The following HCN1 variants were observed in gnomAD, a reference collection of about 807,000 sequenced individuals.
HCN1 encodes the protein hyperpolarization activated cyclic nucleotide gated potassium channel 1, also known as potassium/sodium hyperpolarization-activated cyclic nucleotide-gated channel 1.
A neutral mutation model predicts 78.9 loss-of-function variants in HCN1; 13 were observed. The ratio of observed to expected loss-of-function variants is 0.16; its 90% CI spans 0.11 to 0.26. HCN1 has a LOEUF of 0.26. Among genes scored for constraint, HCN1 ranks in the 10% least tolerant of loss-of-function variants. HCN1 has a pLI of 1.00. For synonymous variants in HCN1, 552 were observed against 455.5 expected, an observed-to-expected ratio of 1.21 and a Z score of -2.70; for missense variants, 810 against 1,154.3, an observed-to-expected ratio of 0.70 and a Z score of 4.32.
chr5:45,695,644 T>A, intron 1 of HCN1, 25 bp downstream of exon 1: 1 of 1,599,064 alleles, frequency 6.3e-7, no homozygotes. Flanking sequence ...GAAGGGAGGG[T>A]GGGGCGGCGA....
intron 2 of HCN1, among the ~76,000 whole-genome samples, chr5:45,630,017 G>A (rs1745241719): frequency 6.6e-6 from 1 of 152,168 alleles, no homozygotes; most frequent in Non-Finnish European, 1.5e-5. Context: ...GCTGCTCTGA[G>A]GGAGTCCCCC....
At chr5:45,664,658 C>G (rs1745996945) in intron 1 of HCN1, among the ~76,000 whole-genome samples, 1 of 151,784 alleles carries the variant, frequency 6.6e-6, no homozygotes, top group Non-Finnish European at 1.5e-5. Context: ...AGACACTTCT[C>G]AAAAGAAGAC....
At chr5:45,420,931 C>T (rs1303909333) in intron 3 of HCN1, among the ~76,000 whole-genome samples, 2 of 152,200 alleles carry the variant, frequency 1.3e-5, no homozygotes, top group Non-Finnish European at 2.9e-5. Flanking sequence ...TAAAACTTAC[C>T]AGTTTCACTT....
intron 2 of HCN1, among the ~76,000 whole-genome samples, chr5:45,614,271 T>C (rs893018471): frequency 2.0e-5 from 3 of 152,150 alleles, no homozygotes; most frequent in African/African-American, 7.2e-5. Context: ...CATTTATTAA[T>C]TCCTGTTATA....
chr5:45,524,200 G>T (rs1423545017), intron 2 of HCN1, among the ~76,000 whole-genome samples: 3 of 152,122 alleles, frequency 2.0e-5, no homozygotes, highest in Non-Finnish European at 4.4e-5. Flanking sequence ...TGAGGGCTCT[G>T]TTCTGTTCCA....
intron 2 of HCN1, among the ~76,000 whole-genome samples, chr5:45,540,568 G>T (rs768790088): frequency 7.4e-4 from 113 of 152,058 alleles, no homozygotes; most frequent in Non-Finnish European, 8.7e-4. Context: ...GTACTCAAGG[G>T]ATCTACCTGC....
intron 2 of HCN1, among the ~76,000 whole-genome samples, chr5:45,618,585 T>C (rs753702343): frequency 6.6e-6 from 1 of 152,128 alleles, no homozygotes; most frequent in Non-Finnish European, 1.5e-5. Flanking sequence ...AGAACACGTG[T>C]AATTCACCCA....
intron 2 of HCN1, among the ~76,000 whole-genome samples, chr5:45,607,602 G>T (rs10079837): frequency 0.019 from 2,685 of 143,890 alleles, 77 homozygotes; most frequent in African/African-American, 0.063. Flanking sequence ...TATATCTATA[G>T]ATAGATCCAG....
chr5:45,584,335 C>G (rs1234035047), intron 2 of HCN1, among the ~76,000 whole-genome samples: 78 of 152,070 alleles, frequency 5.1e-4, no homozygotes, highest in Middle Eastern at 3.4e-3. Flanking sequence ...TGTTTTATCA[C>G]AGACTAGGAT....
intron 5 of HCN1, among the ~76,000 whole-genome samples, chr5:45,345,062 C>A (rs759230720): frequency 7.2e-5 from 11 of 152,192 alleles, no homozygotes; most frequent in African/African-American, 2.7e-4. Context: ...GTGGAGGTTA[C>A]CAAACCTCAG....
chr5:45,527,055 T>TTC lies in HCN1; in HGVS notation c.850-65050_850-65049dup, dbSNP rs142451723. Among the ~76,000 whole-genome samples the TTC allele has an allele frequency of 4.5e-4, 58 of 129,156 alleles. 12 individuals carry two copies. The highest frequency in any genetic ancestry group is 1.0e-3 in the African/African-American group (35 of 34,454). The allele number at this position is 129,156 out of a possible 152,430, so 84.7% of individuals were successfully genotyped here. On this transcript the variant is annotated intron_variant, in intron 2 of 7. Coordinates refer to ENST00000303230, the MANE Select transcript of HCN1 (RefSeq NM_021072.4). The stretch of plus-strand genomic sequence containing the variant: ...CATTCTCTCTCTCTTTTCTCCCTCT[T>TTC]TCTCTCTCTCTCTCTCTCTGTCTCT...
At position 45,282,337 on chromosome 5, in the gene HCN1, G is replaced by A. The variant is rs560538108; in HGVS notation, c.1619-15084C>T. ...GCTTTCTTATATGTTATCTTGAGTA[G>A]AATGTTGCCACACAATATCTTGAAA... On this transcript the variant is annotated intron_variant, in intron 6 of 7. Transcript: ENST00000303230. 2.0e-5 allele frequency among the ~76,000 whole-genome samples: 3 copies of A among 152,234 alleles called. No homozygotes were observed. In the South Asian group the frequency reaches 6.2e-4, roughly 32 times the overall value.
At chr5:45,530,162 G>A (rs945186190) in intron 2 of HCN1, among the ~76,000 whole-genome samples, 8 of 152,008 alleles carry the variant, frequency 5.3e-5, no homozygotes, top group Non-Finnish European at 7.4e-5. Flanking sequence ...ACCAGGTAAG[G>A]CTTTTGCTTC....
chr5:45,436,539 T>G (rs189387320), intron 3 of HCN1, among the ~76,000 whole-genome samples: 2 of 152,232 alleles, frequency 1.3e-5, no homozygotes, highest in Admixed American at 6.5e-5. Flanking sequence ...TAAAATGAAG[T>G]AATTATGAAC....
At chr5:45,546,265 A>G (rs1743225669) in intron 2 of HCN1, among the ~76,000 whole-genome samples, 1 of 151,948 alleles carries the variant, frequency 6.6e-6, no homozygotes, top group Non-Finnish European at 1.5e-5. Context: ...CTACTGATAC[A>G]TAATAAAAGG....
At chr5:45,512,976 A>C (rs927028106) in intron 2 of HCN1, among the ~76,000 whole-genome samples, 1 of 152,176 alleles carries the variant, frequency 6.6e-6, no homozygotes, top group Non-Finnish European at 1.5e-5. Flanking sequence ...CCCGACTTTA[A>C]AAATTAATAA....
chr5:45,669,176 A>G (rs1746105159), intron 1 of HCN1, among the ~76,000 whole-genome samples: 1 of 151,872 alleles, frequency 6.6e-6, no homozygotes, highest in African/African-American at 2.4e-5. Flanking sequence ...TGAGAGAGTT[A>G]GAGCAACTTT....
At chr5:45,638,235 C>T (rs1211685082) in intron 2 of HCN1, among the ~76,000 whole-genome samples, 3 of 152,132 alleles carry the variant, frequency 2.0e-5, no homozygotes, top group African/African-American at 7.2e-5. Flanking sequence ...TTGAGGAACT[C>T]ATGAGATACC....
At chr5:45,499,189 C>T (rs116100867) in intron 2 of HCN1, among the ~76,000 whole-genome samples, 13,066 of 152,264 alleles carry the variant, frequency 0.086, 727 homozygotes, top group Middle Eastern at 0.13. Context: ...GCTTTGCTGC[C>T]GCCTTGCAGT....
Sources: allele counts gnomAD v4.1 joint callset (sites outside exome capture counted in the v4.1 genomes callset), GRCh38; gene constraint gnomAD v4.1.1; transcripts MANE v1.5; gene names NCBI Gene and HGNC (gene_info 2026-07-23, HGNC 2026-07-21).